The following HOMER1 variants were observed in gnomAD, a reference collection of about 807,000 sequenced individuals.
HOMER1 encodes homer protein homolog 1.
In HOMER1, 3 loss-of-function variants were observed where a neutral mutation model predicts 48.9. The observed-to-expected ratio is 0.06, with a 90% CI of 0.03 to 0.16. The LOEUF (loss-of-function observed/expected upper bound fraction) is 0.16, where lower values mean the gene tolerates loss of function less well. Among genes scored for constraint, HOMER1 ranks in the 10% least tolerant of loss-of-function variants. The probability of loss-of-function intolerance (pLI) is 1.00; values close to 1 mark genes in which losing one functional copy is unlikely to be tolerated. For missense variants in HOMER1, 247 were observed against 411.4 expected, an observed-to-expected ratio of 0.60 and a Z score of 3.46; for synonymous variants, 134 against 146.4, an observed-to-expected ratio of 0.92 and a Z score of 0.61.
chr5:79,491,064 T>C (rs912203510), intron 1 of HOMER1, among the ~76,000 whole-genome samples: 1 of 93,070 alleles, frequency 1.1e-5, no homozygotes, highest in African/African-American at 4.0e-5. Context: ...TGGCCTTCAG[T>C]AGTACCAAAG....
chr5:79,453,957 A>C (rs1751095096), intron 2 of HOMER1, among the ~76,000 whole-genome samples: 1 of 152,162 alleles, frequency 6.6e-6, no homozygotes, highest in Non-Finnish European at 1.5e-5. Flanking sequence ...TCAGTTTAGA[A>C]AAGTAATTAG....
intron 1 of HOMER1, among the ~76,000 whole-genome samples, chr5:79,500,959 G>GACACACAC (rs779298030): frequency 1.4e-3 from 178 of 130,004 alleles, no homozygotes; most frequent in African/African-American, 1.6e-3. Flanking sequence ...GTGTGAGACA[G>GACACACAC]ACAGACACAC....
At chr5:79,502,851 C>A (rs554724591) in intron 1 of HOMER1, among the ~76,000 whole-genome samples, 3 of 152,156 alleles carry the variant, frequency 2.0e-5, no homozygotes, top group Non-Finnish European at 4.4e-5. Context: ...AGTGCAGTGG[C>A]GCAATCTCAG....
At chr5:79,393,892 T>C (rs1749312886) in intron 8 of HOMER1, among the ~76,000 whole-genome samples, 1 of 152,166 alleles carries the variant, frequency 6.6e-6, no homozygotes, top group African/African-American at 2.4e-5. Flanking sequence ...AAAAATGGTA[T>C]CTATATCCAT....
chr5:79,394,799 G>A (rs1749339417), intron 8 of HOMER1, among the ~76,000 whole-genome samples: 1 of 152,110 alleles, frequency 6.6e-6, no homozygotes, highest in Non-Finnish European at 1.5e-5. Context: ...TGAACTCCTG[G>A]CCTCAAGAGA....
rs543428673 is a variant in HOMER1 at position 79,448,520 on chromosome 5, T to A, written c.295-1375A>T. Among the ~76,000 whole-genome samples, 3 of 152,328 alleles carry A rather than the reference T, an allele frequency of 2.0e-5. No homozygotes were observed. The South Asian group carries it at 6.2e-4, about 32-fold the overall frequency. On this transcript the variant is annotated intron_variant, in intron 3 of 8. Coordinates refer to ENST00000334082, the MANE Select transcript of HOMER1 (RefSeq NM_004272.5). ...CCAAGCATAGCTGGAATTTTGCTCA[T>A]ACCATTCAATCTTAAGAGACCACAC... is the stretch of plus-strand genomic sequence containing the variant.
chr5:79,447,175 C>T, intron 3 of HOMER1, 30 bp from the exon 4 acceptor site: 1 of 1,405,076 alleles, frequency 7.1e-7, no homozygotes, highest in Non-Finnish European at 1.0e-6. Context: ...ATACATTAAC[C>T]AAATAAAAAT....
intron 5 of HOMER1, among the ~76,000 whole-genome samples, chr5:79,406,559 G>C (rs1445681458): frequency 1.3e-5 from 2 of 152,216 alleles, no homozygotes; most frequent in Admixed American, 6.5e-5. Flanking sequence ...TGGATGAGGG[G>C]AGAGACTTCC....
intron 5 of HOMER1, among the ~76,000 whole-genome samples, chr5:79,425,062 T>A (rs1180297142): frequency 6.6e-6 from 1 of 152,052 alleles, no homozygotes; most frequent in African/African-American, 2.4e-5. Flanking sequence ...CTGTGATGAT[T>A]GGGTCTTTTT....
intron 1 of HOMER1, among the ~76,000 whole-genome samples, chr5:79,507,043 C>T (rs1752793441): frequency 6.6e-6 from 1 of 151,480 alleles, no homozygotes. Flanking sequence ...GAAACCCCGT[C>T]TCTACTAAAA....
chr5:79,398,721 C>T (rs540091890), intron 6 of HOMER1, among the ~76,000 whole-genome samples: 1 of 152,220 alleles, frequency 6.6e-6, no homozygotes, highest in Admixed American at 6.5e-5. Flanking sequence ...CGCTCAGATC[C>T]TCTGTATATT....
intron 8 of HOMER1, among the ~76,000 whole-genome samples, chr5:79,379,456 A>G (rs991229631): frequency 3.5e-5 from 4 of 113,780 alleles, no homozygotes; most frequent in African/African-American, 6.7e-5. Context: ...TATATAATAT[A>G]TAATATATAT....
At chr5:79,397,722 A>G (rs1056593325) in intron 6 of HOMER1, 85 bp from the exon 7 acceptor site, 2 of 678,802 alleles carry the variant, frequency 2.9e-6, no homozygotes, top group Non-Finnish European at 5.0e-6. Flanking sequence ...ATAAGTGAAT[A>G]GTATATTCTG....
intron 8 of HOMER1, 131 bp downstream of exon 8, chr5:79,396,692 G>A: frequency 2.0e-6 from 1 of 488,360 alleles, no homozygotes; most frequent in Non-Finnish European, 3.6e-6. Context: ...GATTAGGCAT[G>A]AATCAGAAGT....
intron 8 of HOMER1, among the ~76,000 whole-genome samples, chr5:79,380,716 C>CG (rs951981061): frequency 6.6e-6 from 1 of 152,056 alleles, no homozygotes; most frequent in Non-Finnish European, 1.5e-5. Flanking sequence ...AGCATATAAT[C>CG]GGGGGGTAGG....
At chr5:79,476,350 C>T (rs907326736) in intron 1 of HOMER1, among the ~76,000 whole-genome samples, 5 of 152,160 alleles carry the variant, frequency 3.3e-5, no homozygotes, top group African/African-American at 9.6e-5. Context: ...CACCAACCAA[C>T]AAGCAATCAC....
chr5:79,381,655 C>A (rs1225261349), intron 8 of HOMER1, among the ~76,000 whole-genome samples: 1 of 152,120 alleles, frequency 6.6e-6, no homozygotes, highest in African/African-American at 2.4e-5. Flanking sequence ...GAGGCTCAGG[C>A]AGGCAGATTG....
chr5:79,425,030 T>C (rs1410187412), intron 5 of HOMER1, among the ~76,000 whole-genome samples: 2 of 152,084 alleles, frequency 1.3e-5, no homozygotes, highest in African/African-American at 2.4e-5. Flanking sequence ...ATACTACTTC[T>C]TTTGACTCTT....
At chr5:79,420,445 C>T (rs2112245995) in intron 5 of HOMER1, among the ~76,000 whole-genome samples, 1 of 152,302 alleles carries the variant, frequency 6.6e-6, no homozygotes, top group East Asian at 1.9e-4. Context: ...TTATGTATGA[C>T]TCCACAAGGA....
Sources: gnomAD v4.1 joint callset for allele counts (sites outside exome capture counted in the v4.1 genomes callset) on GRCh38, gnomAD v4.1.1 for gene constraint, MANE v1.5 for transcripts, NCBI Gene and HGNC (gene_info 2026-07-23, HGNC 2026-07-21) for gene names.